Variants in CYP1A2 observed in about 807,000 individuals in gnomAD.
CYP1A2 encodes cytochrome P450 1A2.
A neutral mutation model predicts 34.7 loss-of-function variants in CYP1A2; 35 were observed. That is an observed-to-expected ratio of 1.01 (90% confidence interval 0.77 to 1.34). The LOEUF is 1.34. CYP1A2 is among the 40% of genes most tolerant of loss of function. The pLI is 0.00. For missense variants in CYP1A2, 675 were observed against 675.8 expected (o/e 1.00, Z 0.01); for synonymous variants, 288 against 281.9 (o/e 1.02, Z -0.22).
chr15:74,755,251 G>A lies in CYP1A2; in HGVS notation c.*163G>A. On this transcript the variant is annotated 3_prime_UTR_variant, in exon 7 of 7. Coordinates refer to ENST00000343932, the MANE Select transcript of CYP1A2 (RefSeq NM_000761.5). ...AGGCCAAGGTTGGAGGATCATTTGA[G>A]CCCAGGAATTGGAAAGCAGCCTGGC... is the stretch of plus-strand genomic sequence containing the variant. The A allele has an allele frequency of 1.2e-6, 1 of 830,594 alleles. No homozygotes were observed. Among genetic ancestry groups the A allele is most frequent in the Non-Finnish European group, 1.8e-6 (1 of 555,768 alleles). 51.5% of individuals were successfully genotyped at this position (830,594 alleles called of 1,614,324 possible).
chr15:74,755,022 C>A lies in CYP1A2; in HGVS notation c.1485C>A (p.Tyr495Ter), dbSNP rs143193369. Residue 495 changes from tyrosine (Y) to a stop codon, truncating the protein, a stop_gained, in exon 7 of 7, where the codon TAC becomes TAA. Coordinates refer to ENST00000343932, the MANE Select transcript of CYP1A2 (RefSeq NM_000761.5). LOFTEE classifies it low-confidence loss of function (END_TRUNC). ...TGAAAGTCGACCTGACCCCCATCTA[C>A]GGGCTGACCATGAAGCACGCCCGCT... is the stretch of plus-strand genomic sequence containing the variant. ...PGVKVDLTPI[Y>*]GLTMKHARCE... The A allele has an allele frequency of 1.2e-6, 2 of 1,614,180 alleles. No homozygotes were observed. The highest frequency in any genetic ancestry group is 2.7e-5 in the African/African-American group (2 of 75,060).
chr15:74,750,185 C>T lies in CYP1A2; in HGVS notation c.447C>T (p.Ile149=), dbSNP rs1197911432. The change falls in exon 2 of 7, where the codon ATC becomes ATT. Residue 149 remains isoleucine (I), a synonymous_variant. Transcript: ENST00000343932. Reference sequence around the variant, plus strand: ...AGAATGCCCTCAACACCTTCTCCATCGCCTCTGACCCAGCTTCCTCATCCT... The same window carrying T: ...AGAATGCCCTCAACACCTTCTCCATTGCCTCTGACCCAGCTTCCTCATCCT... ...LAQNALNTFS[I]ASDPASSSSC... is the part of the protein sequence containing the mutation. 3.7e-6 allele frequency: 6 copies of T among 1,614,184 alleles called. No homozygotes were observed. The highest frequency in any genetic ancestry group is 1.1e-5 in the South Asian group (1 of 91,088).
intron 5 of CYP1A2, among the ~76,000 whole-genome samples, chr15:74,752,892 T>TTC (rs2063322618): frequency 6.6e-6 from 1 of 151,026 alleles, no homozygotes; most frequent in African/African-American, 2.4e-5. Context: ...TTTTTTTTTT[T>TTC]TTCATAGAAA....
At position 74,751,258 on chromosome 15, in the gene CYP1A2, C is replaced by T. The variant is rs1248203623; in HGVS notation, c.901C>T (p.Leu301Phe). ...GAAGGGGCCTAGAGCCAGCGGCAAC[C>T]TCATCCCACAGGAGAAGATTGTCAA... is the stretch of plus-strand genomic sequence containing the variant. The part of the protein sequence containing the change: ...SKKGPRASGN[L>F]IPQEKIVNLV... The change falls in exon 3 of 7, where the codon CTC becomes TTC. Residue 301 changes from leucine (L) to phenylalanine (F), a missense_variant. Leu to Phe is a conservative substitution (Grantham distance 22, BLOSUM62 0). Coordinates refer to ENST00000343932, the MANE Select transcript of CYP1A2 (RefSeq NM_000761.5). 15 of 1,614,182 alleles carry T rather than the reference C, an allele frequency of 9.3e-6. No individual in the cohort carries two copies. Among genetic ancestry groups the T allele is most frequent in the Non-Finnish European group, 1.0e-5 (12 of 1,180,016 alleles).
chr15:74,750,842 C>A (rs947452126), intron 2 of CYP1A2, among the ~76,000 whole-genome samples: 13 of 152,170 alleles, frequency 8.5e-5, no homozygotes, highest in African/African-American at 3.1e-4. Flanking sequence ...ATGTGGGGGG[C>A]CTATGAGTGA....
At position 74,753,254 on chromosome 15, in the gene CYP1A2, C is replaced by T; in HGVS notation, c.1237C>T (p.Gln413Ter). 1 of 1,613,822 alleles carries T rather than the reference C, an allele frequency of 6.2e-7. No individual in the cohort carries two copies. The highest frequency in any genetic ancestry group is 8.5e-7 in the Non-Finnish European group (1 of 1,179,800). Reference protein sequence around the residue: ...KKCCVFVNQWQVNHDPELWED... With the variant: ...KKCCVFVNQW ...ATGCTGTGTCTTCGTAAACCAGTGGCAGGTCAACCATGACCCGTGAGTACA... is the reference window on the plus strand; with the variant it reads ...ATGCTGTGTCTTCGTAAACCAGTGGTAGGTCAACCATGACCCGTGAGTACA... Residue 413 changes from glutamine (Q) to a stop codon, truncating the protein, a stop_gained, in exon 6 of 7, where the codon CAG becomes TAG. Transcript: ENST00000343932. LOFTEE classifies it low-confidence loss of function (END_TRUNC).
In CYP1A2 at chr15:74,754,781, C is replaced by A. The variant is rs1252403137; in HGVS notation, c.1254-10C>A. 2 of 1,605,492 alleles carry A rather than the reference C, an allele frequency of 1.2e-6. No homozygotes were observed. Among genetic ancestry groups the A allele is most frequent in the African/African-American group, 2.7e-5 (2 of 74,754 alleles). ...GCCCTGAGGTCCCATCTCCTCTGTT[C>A]CTCTTGCAGAGAGCTGTGGGAGGAC... On this transcript the variant is annotated splice_polypyrimidine_tract_variant and intron_variant, in intron 6 of 6. Coordinates refer to ENST00000343932, the MANE Select transcript of CYP1A2 (RefSeq NM_000761.5).
intron 6 of CYP1A2, among the ~76,000 whole-genome samples, chr15:74,753,661 G>C (rs887641934): frequency 6.6e-6 from 1 of 151,800 alleles, no homozygotes; most frequent in South Asian, 2.1e-4. Flanking sequence ...TTGAACTCTG[G>C]AGGTAGAGGC....
intron 3 of CYP1A2, 148 bp downstream of exon 3, chr15:74,751,457 C>T: frequency 8.0e-7 from 1 of 1,248,020 alleles, no homozygotes; most frequent in Non-Finnish European, 1.1e-6. Context: ...GGGTTTGAGC[C>T]TGGGCTATGC....
At position 74,753,207 on chromosome 15, in the gene CYP1A2, A is replaced by G. The variant is rs1567206457; in HGVS notation, c.1190A>G (p.Asn397Ser). Residue 397 changes from asparagine to serine, a missense_variant, in exon 6 of 7, where the codon AAT (asparagine) becomes AGT (serine). By Grantham distance (46) the Asn-to-Ser change is conservative. Transcript: ENST00000343932. ...AGCACAACAAGGGACACAACGCTGAATGGCTTCTACATCCCCAAGAAATGC... is the reference window on the plus strand; with the variant it reads ...AGCACAACAAGGGACACAACGCTGAGTGGCTTCTACATCCCCAAGAAATGC... ...PHSTTRDTTL[N>S]GFYIPKKCCV... The G allele has an allele frequency of 1.1e-5, 17 of 1,613,732 alleles. No homozygotes were observed. Among genetic ancestry groups the G allele is most frequent in the Non-Finnish European group, 1.4e-5 (17 of 1,179,814 alleles).
chr15:74,749,668 AAATG>A, intron 1 of CYP1A2, 58 bp from the exon 2 acceptor site: 15 of 1,325,764 alleles, frequency 1.1e-5, no homozygotes, highest in Non-Finnish European at 1.3e-5. Context: ...ATGACTGAGG[AAATG>A]AATGAATGAA....
Position 74,755,314 on chromosome 15 carries a change from T to G in CYP1A2, c.*226T>G. 1 of 442,030 alleles carries G rather than the reference T, an allele frequency of 2.3e-6. No homozygotes were observed. The highest frequency in any genetic ancestry group is 3.9e-6 in the Non-Finnish European group (1 of 258,798). 27.4% of individuals were successfully genotyped at this position (442,030 alleles called of 1,614,324 possible). The stretch of plus-strand genomic sequence containing the variant: ...ACCCTGTCTCTACAAAAAAAAAATT[T>G]GCCAAGAGCCTGAGTGACAGAGCAA... On this transcript the variant is annotated 3_prime_UTR_variant, in exon 7 of 7. Transcript: ENST00000343932.
chr15:74,751,310 G>C lies in CYP1A2; in HGVS notation c.952+1G>C. 1 of 1,614,012 alleles carries C rather than the reference G, an allele frequency of 6.2e-7. No individual in the cohort carries two copies. Among genetic ancestry groups the C allele is most frequent in the Non-Finnish European group, 8.5e-7 (1 of 1,179,960 alleles). On this transcript the variant is annotated splice_donor_variant, in intron 3 of 6. Transcript: ENST00000343932. LOFTEE classifies it high-confidence loss of function. Reference sequence around the variant, plus strand: ...CTTGTCAATGACATCTTTGGAGCAGGTAGGAACCAGAACCTTGCCCCTCCA... The same window carrying C: ...CTTGTCAATGACATCTTTGGAGCAGCTAGGAACCAGAACCTTGCCCCTCCA...
At position 74,753,080 on chromosome 15, in the gene CYP1A2, A is replaced by G. The variant is rs2063323862; in HGVS notation, c.1167-104A>G. The G allele has an allele frequency of 1.8e-5, 14 of 768,548 alleles. No homozygotes were observed. The South Asian group carries it at 2.3e-4, about 13-fold the overall frequency. The allele number at this position is 768,548 out of a possible 1,614,324, so 47.6% of individuals were successfully genotyped here. A position where few individuals can be genotyped will look rare whatever the true frequency, so the allele number is the denominator to read the frequency against. On this transcript the variant is annotated intron_variant, in intron 5 of 6. Transcript: ENST00000343932. ...CCTCCCCTCCCCTCCCAGTGTAGGGATGGAGATGGCGGTGGGCAGGCTGTC... is the reference window on the plus strand; with the variant it reads ...CCTCCCCTCCCCTCCCAGTGTAGGGGTGGAGATGGCGGTGGGCAGGCTGTC...
At chr15:74,752,591 C>G (rs1472547252) in intron 5 of CYP1A2, among the ~76,000 whole-genome samples, 3 of 152,318 alleles carry the variant, frequency 2.0e-5, no homozygotes, top group East Asian at 3.9e-4. Flanking sequence ...AGCCTCTTCT[C>G]TGACCACCAG....
rs2063337385 is a variant in CYP1A2 at position 74,756,175 on chromosome 15, T to C, written c.*1087T>C. 6.6e-6 allele frequency: 1 copy of C among 150,716 alleles called. No individual in the cohort carries two copies. Among genetic ancestry groups the C allele is most frequent in the Non-Finnish European group, 1.5e-5 (1 of 67,798 alleles). The allele number at this position is 150,716 out of a possible 1,614,324, so 9.3% of individuals were successfully genotyped here. ...CTCTGTCTCCTAAGCTGGAGTGCAG[T>C]GGCATCATCTCAGCTCACTGCAACC... is the stretch of plus-strand genomic sequence containing the variant. On this transcript the variant is annotated 3_prime_UTR_variant, in exon 7 of 7. Coordinates refer to ENST00000343932, the MANE Select transcript of CYP1A2 (RefSeq NM_000761.5).
At chr15:74,751,659 G>A (rs1053505584) in intron 3 of CYP1A2, 106 bp from the exon 4 acceptor site, 15 of 1,154,786 alleles carry the variant, frequency 1.3e-5, no homozygotes, top group Middle Eastern at 4.0e-4. Context: ...CACAGGCTAG[G>A]GCCAGAGAAA....
intron 3 of CYP1A2, 131 bp downstream of exon 3, chr15:74,751,440 G>A: frequency 7.2e-7 from 1 of 1,387,624 alleles, no homozygotes; most frequent in Non-Finnish European, 9.8e-7. Flanking sequence ...GATCTGGCTT[G>A]GGATCAGGGT....
chr15:74,752,361 A>G lies in CYP1A2; in HGVS notation c.1166+114A>G, dbSNP rs745916770. ...TCTCCTTCCCGACCTCGTTCCCCAC[A>G]GATCCCGGCCTCAGTCTGCCCCCAT... On this transcript the variant is annotated intron_variant, in intron 5 of 6. Coordinates refer to ENST00000343932, the MANE Select transcript of CYP1A2 (RefSeq NM_000761.5). 1,216 of 1,453,284 alleles carry G rather than the reference A, an allele frequency of 8.4e-4. 5 individuals carry two copies. Among genetic ancestry groups the G allele is most frequent in the Non-Finnish European group, 8.6e-4 (918 of 1,067,444 alleles). The allele number at this position is 1,453,284 out of a possible 1,614,324, so 90.0% of individuals were successfully genotyped here. A position where few individuals can be genotyped will look rare whatever the true frequency, so the allele number is the denominator to read the frequency against.
Sources: gnomAD v4.1 joint callset for allele counts (sites outside exome capture counted in the v4.1 genomes callset) on GRCh38, gnomAD v4.1.1 for gene constraint, MANE v1.5 for transcripts, NCBI Gene and HGNC (gene_info 2026-07-23, HGNC 2026-07-21) for gene names.